DOCK8: variants seen among roughly 807,000 people sequenced by gnomAD.
The protein encoded by DOCK8 is dedicator of cytokinesis 8.
In DOCK8, 141 loss-of-function variants were observed where a neutral mutation model predicts 245.6. That is an observed-to-expected ratio of 0.57 (90% CI 0.50 to 0.66). DOCK8 has a LOEUF of 0.66. Ranked by LOEUF, DOCK8 falls within the 30% of genes least tolerant of loss-of-function variation. The probability of loss-of-function intolerance (pLI) is 0.00; values close to 1 mark genes in which losing one functional copy is unlikely to be tolerated. For missense variants in DOCK8, 2,965 were observed against 2,603.4 expected (o/e 1.14, Z -3.02); for synonymous variants, 1,168 against 970.2 (o/e 1.20, Z -3.79).
intron 42 of DOCK8, among the ~76,000 whole-genome samples, chr9:443,126 G>A (rs2131821572): frequency 6.6e-6 from 1 of 152,280 alleles, no homozygotes; most frequent in Middle Eastern, 3.4e-3. Context: ...AGTTCCCAGG[G>A]TACAGAAGGC....
intron 14 of DOCK8, among the ~76,000 whole-genome samples, chr9:353,896 C>T (rs542842533): frequency 6.6e-6 from 1 of 152,154 alleles, no homozygotes; most frequent in Non-Finnish European, 1.5e-5. Context: ...CCTATCACAG[C>T]CTCTTCAGGA....
chr9:391,839 T>C (rs1350819089), intron 24 of DOCK8, among the ~76,000 whole-genome samples: 1 of 148,296 alleles, frequency 6.7e-6, no homozygotes, highest in Non-Finnish European at 1.5e-5. Context: ...TTTTTTTTTT[T>C]TTTTTAAAGA....
At chr9:432,599 A>T (rs755493631) in intron 37 of DOCK8, among the ~76,000 whole-genome samples, 3 of 152,228 alleles carry the variant, frequency 2.0e-5, no homozygotes, top group South Asian at 2.1e-4. Flanking sequence ...CATAAGTGCA[A>T]ACTGTGTGGT....
chr9:403,932 G>GTATATATATATATGTATA (rs1206391530), intron 26 of DOCK8, among the ~76,000 whole-genome samples: 2 of 80,506 alleles, frequency 2.5e-5, no homozygotes, highest in Non-Finnish European at 4.4e-5. Flanking sequence ...ATATATATGT[G>GTATATATATATATGTATA]TATATATATA....
At chr9:424,150 GT>G (rs2056391663) in intron 33 of DOCK8, among the ~76,000 whole-genome samples, 1 of 151,272 alleles carries the variant, frequency 6.6e-6, no homozygotes, top group South Asian at 2.1e-4. Flanking sequence ...TAATAATGGT[GT>G]CTTTCACCCT....
intron 2 of DOCK8, among the ~76,000 whole-genome samples, chr9:276,150 C>G (rs1253061230): frequency 6.6e-6 from 1 of 152,194 alleles, no homozygotes; most frequent in Admixed American, 6.5e-5. Context: ...CTCGGCCTCC[C>G]AAAGTGCTGG....
At chr9:463,385 T>C in intron 46 of DOCK8, 132 bp from the exon 47 acceptor site, 6 of 1,028,600 alleles carry the variant, frequency 5.8e-6, no homozygotes, top group Non-Finnish European at 8.7e-6. Context: ...GCTCCACAGG[T>C]GATCCCGATA....
At position 340,296 on chromosome 9, in the gene DOCK8, G is replaced by C. The variant is rs747289007; in HGVS notation, c.1654G>C (p.Val552Leu). Residue 552 changes from valine (V) to leucine (L), a missense_variant, in exon 14 of 48, where the codon GTA (valine) becomes CTA (leucine). By Grantham distance (32) the Val-to-Leu change is conservative. Around this residue, in one of 3 missense-constraint regions of DOCK8, gnomAD observed 2,825 missense variants for 2,453.5 expected, o/e 1.15. Transcript: ENST00000432829. The stretch of plus-strand genomic sequence containing the variant: ...GATTTTGGAATTTCCAACACGAGAA[G>C]TATATGTCCCTCACACTGTGTACAG... ...KEILEFPTREVYVPHTVYRNL... is the reference protein window; with the variant it reads ...KEILEFPTRELYVPHTVYRNL... 6.2e-7 allele frequency: 1 copy of C among 1,614,126 alleles called. No homozygotes were observed. Among genetic ancestry groups the C allele is most frequent in the Non-Finnish European group, 8.5e-7 (1 of 1,180,002 alleles).
At chr9:435,507 A>G (rs1040432434) in intron 39 of DOCK8, among the ~76,000 whole-genome samples, 1 of 152,250 alleles carries the variant, frequency 6.6e-6, no homozygotes, top group African/African-American at 2.4e-5. Context: ...TAGTTGACAC[A>G]GTATACTGAC....
At chr9:239,909 A>T (rs2131407856) in intron 1 of DOCK8, among the ~76,000 whole-genome samples, 1 of 152,316 alleles carries the variant, frequency 6.6e-6, no homozygotes, top group African/African-American at 2.4e-5. Flanking sequence ...CATTGTAAGG[A>T]TACAGCGTAA....
intron 24 of DOCK8, among the ~76,000 whole-genome samples, chr9:392,750 C>T (rs2054255309): frequency 6.6e-6 from 1 of 152,242 alleles, no homozygotes. Context: ...GAGACATGAG[C>T]TCCATGCTCT....
chr9:248,789 A>AT (rs1443651941), intron 1 of DOCK8, among the ~76,000 whole-genome samples: 1 of 152,194 alleles, frequency 6.6e-6, no homozygotes, highest in African/African-American at 2.4e-5. Flanking sequence ...ATTCAGTTGC[A>AT]TTTTTGCTGA....
Position 432,113 on chromosome 9 carries a change from C to A in DOCK8, c.4627-53C>A, listed in dbSNP as rs528899187. On this transcript the variant is annotated intron_variant, in intron 36 of 47. Transcript: ENST00000432829. ...TGGCCATGCTGCTTTCAGTTATCTA[C>A]TGCTAAGTGTGTCTTATTTACTTCA... is the stretch of plus-strand genomic sequence containing the variant. 12 of 1,593,810 alleles carry A rather than the reference C, an allele frequency of 7.5e-6. No individual in the cohort carries two copies. The East Asian group carries it at 2.7e-4, about 36-fold the overall frequency.
intron 14 of DOCK8, 87 bp from the exon 15 acceptor site, chr9:367,931 T>C (rs1354928302): frequency 1.8e-6 from 2 of 1,118,216 alleles, no homozygotes; most frequent in African/African-American, 1.5e-5. Flanking sequence ...AAGCACCCCA[T>C]GAATGGAAGT....
Position 420,442 on chromosome 9 carries a change from C to G in DOCK8, c.3882C>G (p.Arg1294=), listed in dbSNP as rs1238711480. The change falls in exon 31 of 48, where the codon CGC becomes CGG. Residue 1294 remains arginine, a synonymous_variant. Transcript: ENST00000432829. ...ACATGCTGAACGCGGACACTACTCG[C>G]AACCTCATGATCTGCTTCCTCTGGA... ...QYNMLNADTT[R]NLMICFLWIM... is the part of the protein sequence containing the mutation. 3.7e-6 allele frequency: 6 copies of G among 1,614,198 alleles called. No individual in the cohort carries two copies. The South Asian group carries it at 6.6e-5, about 18-fold the overall frequency.
chr9:371,525 C>G lies in DOCK8; in HGVS notation c.1966C>G (p.Gln656Glu). The change falls in exon 17 of 48, where the codon CAG becomes GAG. Residue 656 changes from glutamine to glutamate, a missense_variant. Transcript: ENST00000432829. ...LFTFYHISCQ[Q>E]KQGASVETLL... Reference sequence around the variant, plus strand: ...CACCTTCTACCATATCAGCTGTCAGCAGAAGCAAGGAGCCTCCGTGGAAAC... The same window carrying G: ...CACCTTCTACCATATCAGCTGTCAGGAGAAGCAAGGAGCCTCCGTGGAAAC... 1.9e-6 allele frequency: 3 copies of G among 1,614,214 alleles called. No homozygotes were observed. In the East Asian group the frequency reaches 6.7e-5, roughly 36 times the overall value.
intron 14 of DOCK8, among the ~76,000 whole-genome samples, chr9:351,913 G>C (rs2052189380): frequency 6.6e-6 from 1 of 152,214 alleles, no homozygotes; most frequent in Admixed American, 6.5e-5. Flanking sequence ...CAAGAACCCT[G>C]TGAGAATCAG....
At chr9:238,790 C>G (rs1425243965) in intron 1 of DOCK8, among the ~76,000 whole-genome samples, 1 of 152,148 alleles carries the variant, frequency 6.6e-6, no homozygotes, top group Non-Finnish European at 1.5e-5. Flanking sequence ...GTGAGCTATA[C>G]TTTCATATAA....
intron 22 of DOCK8, among the ~76,000 whole-genome samples, chr9:385,667 C>G (rs575978172): frequency 6.6e-6 from 1 of 152,126 alleles, no homozygotes; most frequent in Non-Finnish European, 1.5e-5. Flanking sequence ...ACAAATTACC[C>G]CTACCCCCCT....
Sources: allele counts gnomAD v4.1 joint callset (sites outside exome capture counted in the v4.1 genomes callset), GRCh38; gene constraint gnomAD v4.1.1; regional missense constraint gnomAD v4.1.1; transcripts MANE v1.5; gene names NCBI Gene and HGNC (gene_info 2026-07-23, HGNC 2026-07-21).